ASIC2: variants seen among roughly 807,000 people sequenced by gnomAD.
ASIC2 encodes the protein acid-sensing ion channel 2.
In ASIC2, 25 loss-of-function variants were observed where a neutral mutation model predicts 57.3. The ratio of observed to expected loss-of-function variants is 0.44; its 90% CI spans 0.32 to 0.61. The LOEUF is 0.61. ASIC2 is among the 20% of genes least tolerant of loss of function. The pLI, the probability that ASIC2 is intolerant of heterozygous loss-of-function variation, is 0.06. For synonymous variants in ASIC2, 319 were observed against 307.5 expected (o/e 1.04, Z -0.39); for missense variants, 641 against 738.1 (o/e 0.87, Z 1.52).
At chr17:34,062,270 GA>G (rs537811186) in intron 1 of ASIC2, among the ~76,000 whole-genome samples, 54 of 152,266 alleles carry the variant, frequency 3.5e-4, no homozygotes, top group Admixed American at 2.5e-3. Context: ...TCTCCTGAAT[GA>G]GCACTGGATC....
At chr17:33,609,846 A>G (rs1477096085) in intron 1 of ASIC2, among the ~76,000 whole-genome samples, 1 of 152,134 alleles carries the variant, frequency 6.6e-6, no homozygotes, top group East Asian at 1.9e-4. Flanking sequence ...AAGAAGGATA[A>G]GAGAGGAAGG....
At chr17:33,205,585 A>G (rs1183291834) in intron 1 of ASIC2, among the ~76,000 whole-genome samples, 1 of 152,228 alleles carries the variant, frequency 6.6e-6, no homozygotes, top group Non-Finnish European at 1.5e-5. Flanking sequence ...TGTAGGTATA[A>G]TACCTATAAC....
intron 1 of ASIC2, among the ~76,000 whole-genome samples, chr17:33,848,922 C>T (rs577126520): frequency 6.6e-6 from 1 of 152,338 alleles, no homozygotes; most frequent in African/African-American, 2.4e-5. Flanking sequence ...TCTGATTCTA[C>T]AGCTAAGAAA....
intron 1 of ASIC2, among the ~76,000 whole-genome samples, chr17:33,979,280 G>A (rs1365399674): frequency 6.6e-6 from 1 of 152,126 alleles, no homozygotes. Context: ...CTTCCTTCCT[G>A]CATGAGACCT....
chr17:33,092,703 A>G (rs1478975929), intron 2 of ASIC2, among the ~76,000 whole-genome samples: 1 of 152,220 alleles, frequency 6.6e-6, no homozygotes, highest in East Asian at 1.9e-4. Context: ...CTGAGTTCTA[A>G]TGTGGCACTC....
At chr17:33,131,134 C>A (rs937719598) in intron 1 of ASIC2, among the ~76,000 whole-genome samples, 1 of 152,106 alleles carries the variant, frequency 6.6e-6, no homozygotes, top group Non-Finnish European at 1.5e-5. Context: ...CGAGCCCATG[C>A]AAAGACAGGA....
At chr17:33,231,753 G>A (rs1005259610) in intron 1 of ASIC2, among the ~76,000 whole-genome samples, 12 of 152,062 alleles carry the variant, frequency 7.9e-5, no homozygotes, top group Admixed American at 3.3e-4. Context: ...TTCCCAGCCT[G>A]CTTCTCTGGT....
intron 1 of ASIC2, among the ~76,000 whole-genome samples, chr17:33,191,798 C>T (rs1221244345): frequency 6.6e-6 from 1 of 152,146 alleles, no homozygotes; most frequent in African/African-American, 2.4e-5. Flanking sequence ...ACAGACTTCA[C>T]AAAGCTCCCT....
At chr17:33,799,834 G>T (rs1229166457) in intron 1 of ASIC2, among the ~76,000 whole-genome samples, 1 of 152,066 alleles carries the variant, frequency 6.6e-6, no homozygotes, top group South Asian at 2.1e-4. Flanking sequence ...TGTGAATGGT[G>T]CTCCCTAAGG....
At chr17:33,518,216 A>G (rs989461676) in intron 1 of ASIC2, among the ~76,000 whole-genome samples, 8 of 152,226 alleles carry the variant, frequency 5.3e-5, no homozygotes, top group African/African-American at 1.4e-4. Context: ...AAATTTGGAA[A>G]TTGAAACCTA....
chr17:33,335,417 A>G (rs912068756), intron 1 of ASIC2, among the ~76,000 whole-genome samples: 5 of 152,212 alleles, frequency 3.3e-5, no homozygotes, highest in African/African-American at 1.2e-4. Context: ...GCTTAGTCTC[A>G]TTTGGGTTGA....
In ASIC2 at chr17:34,087,544, C is replaced by G. The variant is rs182499209; in HGVS notation, c.555+68434G>C. The stretch of plus-strand genomic sequence containing the variant: ...TGGAGTTGCTCTTCTCGAGGAGTAT[C>G]TTTGTGGCGTTCTCTCTATTTCCTG... On this transcript the variant is annotated intron_variant, in intron 1 of 9. Coordinates refer to the ASIC2 transcript ENST00000359872. Among the ~76,000 whole-genome samples, 1,023 of 152,218 alleles carry G rather than the reference C, an allele frequency of 6.7e-3. 16 individuals are homozygous for G. Among genetic ancestry groups the G allele is most frequent in the African/African-American group, 0.023 (956 of 41,524 alleles).
chr17:33,273,351 T>C (rs2142159988), intron 1 of ASIC2, among the ~76,000 whole-genome samples: 1 of 152,366 alleles, frequency 6.6e-6, no homozygotes, highest in East Asian at 1.9e-4. Flanking sequence ...TTTATAGCTT[T>C]TTCTGTTTTT....
At chr17:33,919,291 A>C (rs146882005) in intron 1 of ASIC2, among the ~76,000 whole-genome samples, 1 of 152,324 alleles carries the variant, frequency 6.6e-6, no homozygotes, top group African/African-American at 2.4e-5. Context: ...TGATGAGCCC[A>C]AAAACCCTAT....
chr17:33,757,543 G>C (rs1910645011), intron 1 of ASIC2, among the ~76,000 whole-genome samples: 1 of 152,118 alleles, frequency 6.6e-6, no homozygotes, highest in Non-Finnish European at 1.5e-5. Flanking sequence ...CTTTGGACCA[G>C]CTCCTTACTT....
chr17:33,646,319 GAT>G (rs1906737993), intron 1 of ASIC2, among the ~76,000 whole-genome samples: 1 of 152,214 alleles, frequency 6.6e-6, no homozygotes, highest in Admixed American at 6.5e-5. Flanking sequence ...ATAAGGAAAA[GAT>G]TGCATTGTAC....
chr17:34,153,034 C>G (rs1410946470), intron 1 of ASIC2, among the ~76,000 whole-genome samples: 1 of 152,240 alleles, frequency 6.6e-6, no homozygotes, highest in Non-Finnish European at 1.5e-5. Flanking sequence ...CATCCCACAC[C>G]TGGCTTCCCT....
chr17:33,346,507 C>G (rs532247983), intron 1 of ASIC2, among the ~76,000 whole-genome samples: 2 of 152,070 alleles, frequency 1.3e-5, no homozygotes, highest in African/African-American at 4.8e-5. Context: ...CGTGGGTATG[C>G]ACACCTGTGT....
chr17:33,975,029 A>G (rs1487501569), intron 1 of ASIC2, among the ~76,000 whole-genome samples: 2 of 152,210 alleles, frequency 1.3e-5, no homozygotes, highest in African/African-American at 2.4e-5. Context: ...GAGGCCAGAC[A>G]TTTGTGTCTG....
Sources: gnomAD v4.1 joint callset for allele counts (sites outside exome capture counted in the v4.1 genomes callset) on GRCh38, gnomAD v4.1.1 for gene constraint, MANE v1.5 for transcripts, NCBI Gene and HGNC (gene_info 2026-07-23, HGNC 2026-07-21) for gene names.